NRXN3: variants seen among roughly 807,000 people sequenced by gnomAD.
The protein encoded by NRXN3 is neurexin 3.
Under a neutral mutation model 137.6 loss-of-function variants are expected in NRXN3, and 32 were observed. The ratio of observed to expected loss-of-function variants is 0.23; its 90% CI spans 0.18 to 0.31. The LOEUF is 0.31. NRXN3 is among the 10% of genes least tolerant of loss of function. The pLI is 1.00. For missense variants in NRXN3, 1,574 were observed against 2,062.5 expected, an observed-to-expected ratio of 0.76 and a Z score of 4.59; for synonymous variants, 798 against 784.5, an observed-to-expected ratio of 1.02 and a Z score of -0.29.
chr14:79,677,671 A>G (rs535636584), intron 17 of NRXN3, among the ~76,000 whole-genome samples: 4 of 152,178 alleles, frequency 2.6e-5, no homozygotes, highest in Non-Finnish European at 5.9e-5. Flanking sequence ...ATTTTGAGCT[A>G]CAAGTAGGTC....
intron 4 of NRXN3, among the ~76,000 whole-genome samples, chr14:78,311,622 A>G (rs184870910): frequency 6.6e-5 from 10 of 152,282 alleles, no homozygotes; most frequent in Admixed American, 2.0e-4. Flanking sequence ...TCCTCTTCCA[A>G]TGTGGCCAAG....
At chr14:78,737,171 C>T (rs775633240) in intron 8 of NRXN3, among the ~76,000 whole-genome samples, 1 of 152,104 alleles carries the variant, frequency 6.6e-6, no homozygotes, top group Non-Finnish European at 1.5e-5. Flanking sequence ...CTACTTAATC[C>T]CCTATTTGTT....
chr14:78,626,893 C>A (rs976370467), intron 4 of NRXN3, among the ~76,000 whole-genome samples: 2 of 152,220 alleles, frequency 1.3e-5, no homozygotes, highest in East Asian at 3.8e-4. Context: ...CCATTGCATG[C>A]CATAACTTCT....
rs1598433959 is a variant in NRXN3 at position 78,418,875 on chromosome 14, G to A, written c.757+121015G>A. 2.0e-5 allele frequency among the ~76,000 whole-genome samples: 3 copies of A among 152,220 alleles called. No homozygotes were observed. In the East Asian group the frequency reaches 5.8e-4, roughly 29 times the overall value. ...TTCTATGTTACAGATGAGGCACAGA[G>A]AGGCATAGAAACTTGCCCAAGCTTG... On this transcript the variant is annotated intron_variant, in intron 4 of 20. Transcript: ENST00000335750.
At chr14:78,929,057 G>T (rs1177427429) in intron 10 of NRXN3, among the ~76,000 whole-genome samples, 1 of 152,064 alleles carries the variant, frequency 6.6e-6, no homozygotes, top group Non-Finnish European at 1.5e-5. Flanking sequence ...CAGTGATGAC[G>T]AGCATTTTTT....
At chr14:78,799,818 A>G (rs2098833154) in intron 8 of NRXN3, among the ~76,000 whole-genome samples, 5 of 152,108 alleles carry the variant, frequency 3.3e-5, no homozygotes, top group Admixed American at 3.3e-4. Flanking sequence ...TTCGTTATAA[A>G]ACCATCAGAT....
intron 18 of NRXN3, among the ~76,000 whole-genome samples, chr14:79,694,239 T>C (rs879552977): frequency 6.6e-6 from 1 of 151,910 alleles, no homozygotes; most frequent in Non-Finnish European, 1.5e-5. Context: ...AGATTTCCCA[T>C]CTGAGGACGG....
chr14:79,671,259 T>A (rs544862656), intron 17 of NRXN3, among the ~76,000 whole-genome samples: 28 of 152,158 alleles, frequency 1.8e-4, no homozygotes, highest in Non-Finnish European at 3.7e-4. Context: ...AGAGTCTTAA[T>A]GTTTAATCAC....
chr14:79,853,920 T>C (rs1383170066), intron 20 of NRXN3: 33 of 991,254 alleles, frequency 3.3e-5, no homozygotes, highest in Non-Finnish European at 3.6e-5. Flanking sequence ...TATTTTAAAT[T>C]CAAAAATTGA....
At chr14:79,479,391 A>G (rs916275777) in intron 16 of NRXN3, among the ~76,000 whole-genome samples, 1 of 152,248 alleles carries the variant, frequency 6.6e-6, no homozygotes, top group South Asian at 2.1e-4. Flanking sequence ...AATTAAGCCT[A>G]AGAGGATTAA....
At chr14:79,792,086 CTG>C (rs2099147124) in intron 19 of NRXN3, among the ~76,000 whole-genome samples, 1 of 152,178 alleles carries the variant, frequency 6.6e-6, no homozygotes, top group South Asian at 2.1e-4. Context: ...TTCCTGCCCA[CTG>C]TGCTAAGCAC....
intron 3 of NRXN3, among the ~76,000 whole-genome samples, chr14:78,293,438 C>A (rs1257368851): frequency 1.3e-5 from 2 of 152,180 alleles, no homozygotes; most frequent in African/African-American, 2.4e-5. Context: ...TTATCCCCAC[C>A]ACCTTGAATC....
intron 4 of NRXN3, among the ~76,000 whole-genome samples, chr14:78,493,997 T>C (rs528740507): frequency 2.0e-5 from 3 of 152,322 alleles, no homozygotes; most frequent in Non-Finnish European, 2.9e-5. Context: ...AGAAAGATAG[T>C]AATTTCTTTC....
At chr14:78,860,622 T>C (rs2099069913) in intron 10 of NRXN3, among the ~76,000 whole-genome samples, 1 of 152,164 alleles carries the variant, frequency 6.6e-6, no homozygotes, top group Non-Finnish European at 1.5e-5. Context: ...GTATATGTAT[T>C]ATATACTGTA....
intron 4 of NRXN3, among the ~76,000 whole-genome samples, chr14:78,381,044 A>G (rs890359948): frequency 6.6e-6 from 1 of 152,212 alleles, no homozygotes; most frequent in Non-Finnish European, 1.5e-5. Flanking sequence ...AAGTAATTCA[A>G]TGGAGAAAAG....
chr14:78,674,583 TG>T (rs1018097629), intron 6 of NRXN3, among the ~76,000 whole-genome samples: 2 of 152,192 alleles, frequency 1.3e-5, no homozygotes, highest in Non-Finnish European at 2.9e-5. Context: ...TTTATGTGGC[TG>T]GGGCAAAAGA....
chr14:79,452,847 T>G lies in NRXN3; in HGVS notation c.3263-14374T>G, dbSNP rs190753961. 6.4e-3 allele frequency among the ~76,000 whole-genome samples: 982 copies of G among 152,318 alleles called. 8 individuals carry two copies. The highest frequency in any genetic ancestry group is 0.022 in the African/African-American group (908 of 41,578). ...AAAGTATAAGCTAAGGCTTTGAAGG[T>G]GATAAAATATTAAGAAATTTTGCTT... On this transcript the variant is annotated intron_variant, in intron 15 of 20. Transcript: ENST00000335750.
At chr14:79,146,159 G>A (rs1312079343) in intron 15 of NRXN3, among the ~76,000 whole-genome samples, 1 of 152,080 alleles carries the variant, frequency 6.6e-6, no homozygotes, top group Non-Finnish European at 1.5e-5. Context: ...CCCCATTTTT[G>A]CTGATGAAGG....
At chr14:79,585,969 A>G (rs2097762794) in intron 16 of NRXN3, among the ~76,000 whole-genome samples, 1 of 152,192 alleles carries the variant, frequency 6.6e-6, no homozygotes, top group African/African-American at 2.4e-5. Context: ...CAGCATACGA[A>G]CGCCAAGTTT....
Sources: allele counts gnomAD v4.1 joint callset (sites outside exome capture counted in the v4.1 genomes callset), GRCh38; gene constraint gnomAD v4.1.1; transcripts MANE v1.5; gene names NCBI Gene and HGNC (gene_info 2026-07-23, HGNC 2026-07-21).